The following SEMA6A variants were observed in gnomAD, a reference collection of about 807,000 sequenced individuals.
SEMA6A encodes semaphorin 6A.
In SEMA6A, 25 loss-of-function variants were observed where a neutral mutation model predicts 96.8. That is an observed-to-expected ratio of 0.26 (90% confidence interval 0.19 to 0.36). SEMA6A has a LOEUF of 0.36. SEMA6A is among the 10% of genes least tolerant of loss of function. SEMA6A has a pLI of 1.00. For synonymous variants in SEMA6A, 612 were observed against 518.0 expected, an observed-to-expected ratio of 1.18 and a Z score of -2.46; for missense variants, 1,363 against 1,323.1, an observed-to-expected ratio of 1.03 and a Z score of -0.47.
At chr5:116,500,770 C>T (rs1352772051) in intron 3 of SEMA6A, among the ~76,000 whole-genome samples, 2 of 152,052 alleles carry the variant, frequency 1.3e-5, no homozygotes, top group Non-Finnish European at 2.9e-5. Flanking sequence ...TTTGAGAGGT[C>T]GAGGCGGGTG....
intron 1 of SEMA6A, among the ~76,000 whole-genome samples, chr5:116,543,376 A>G (rs1760055977): frequency 6.6e-6 from 1 of 152,168 alleles, no homozygotes; most frequent in Admixed American, 6.5e-5. Context: ...TCCTATGTTC[A>G]TGTTCACTGC....
intron 3 of SEMA6A, 32 bp from the exon 4 acceptor site, chr5:116,497,419 A>G (rs1300888275): frequency 7.4e-7 from 1 of 1,356,302 alleles, no homozygotes; most frequent in Non-Finnish European, 1.1e-6. Flanking sequence ...TACAAGGTCA[A>G]ACACAGAGTC....
At chr5:116,544,679 TTTCTCTAAC>T in intron 1 of SEMA6A, among the ~76,000 whole-genome samples, 1 of 152,180 alleles carries the variant, frequency 6.6e-6, no homozygotes, top group East Asian at 1.9e-4. Flanking sequence ...CTAGTCAATG[TTTCTCTAAC>T]TTGGTATTTA....
intron 1 of SEMA6A, among the ~76,000 whole-genome samples, chr5:116,548,547 C>T (rs756096366): frequency 3.3e-5 from 5 of 152,122 alleles, no homozygotes; most frequent in Non-Finnish European, 5.9e-5. Flanking sequence ...CTGCATACCA[C>T]GGAAAAGTTA....
At chr5:116,508,971 C>G (rs1758272706) in intron 1 of SEMA6A, among the ~76,000 whole-genome samples, 1 of 152,194 alleles carries the variant, frequency 6.6e-6, no homozygotes, top group African/African-American at 2.4e-5. Flanking sequence ...GCAAGTGGAC[C>G]ATGTGGAACC....
chr5:116,551,775 C>G (rs1165228843), intron 1 of SEMA6A, among the ~76,000 whole-genome samples: 1 of 152,206 alleles, frequency 6.6e-6, no homozygotes, highest in Non-Finnish European at 1.5e-5. Context: ...AGGTCGTAAT[C>G]ACAACAAGCT....
intron 18 of SEMA6A, among the ~76,000 whole-genome samples, chr5:116,460,782 TC>T: frequency 1.0e-5 from 1 of 95,892 alleles, no homozygotes; most frequent in African/African-American, 3.9e-5. Flanking sequence ...ATTGTTAATC[TC>T]TTTTTTTTTT....
Position 116,478,912 on chromosome 5 carries a change from G to T in SEMA6A, c.1251-194C>A, listed in dbSNP as rs543650455. On this transcript the variant is annotated intron_variant, in intron 12 of 18. Coordinates refer to ENST00000343348, the MANE Select transcript of SEMA6A (RefSeq NM_020796.5). Reference sequence around the variant, plus strand: ...AGCACTAGTGTGGCTCCAAAGGGGAGGAAGGAGGTGTGAGAGAGTGTGTGT... The same window carrying T: ...AGCACTAGTGTGGCTCCAAAGGGGATGAAGGAGGTGTGAGAGAGTGTGTGT... 1.0e-4 allele frequency among the ~76,000 whole-genome samples: 15 copies of T among 144,592 alleles called. No homozygotes were observed. In the East Asian group the frequency reaches 1.4e-3, roughly 14 times the overall value. 94.9% of individuals were successfully genotyped at this position (144,592 alleles called of 152,430 possible).
Position 116,447,221 on chromosome 5 carries a change from A to C in SEMA6A, c.2485T>G (p.Tyr829Asp). The C allele has an allele frequency of 6.2e-7, 1 of 1,613,956 alleles. No homozygotes were observed. The highest frequency in any genetic ancestry group is 8.5e-7 in the Non-Finnish European group (1 of 1,179,888). The change falls in exon 19 of 19, where the codon TAC (tyrosine) becomes GAC (aspartate). Residue 829 changes from tyrosine (Y) to aspartate (D), a missense_variant. Transcript: ENST00000343348. ...PITQQGYQHE[Y>D]VDQPKMSEVA... ...TCGCTCATTTTGGGCTGGTCCACGT[A>C]CTCATGCTGGTAGCCCTGCTGCGTG...
At position 116,486,125 on chromosome 5, in the gene SEMA6A, G is replaced by A. The variant is rs375681251; in HGVS notation, c.962+624C>T. ...GTCAGATTCTGGTGCTGTGGTTGGG[G>A]TCTGGGTTGTGGCCCAACTTGGTGA... is the stretch of plus-strand genomic sequence containing the variant. On this transcript the variant is annotated intron_variant, in intron 10 of 18. Transcript: ENST00000343348. 2.4e-4 allele frequency among the ~76,000 whole-genome samples: 36 copies of A among 152,294 alleles called. No homozygotes were observed. The East Asian group carries it at 4.0e-3, about 17-fold the overall frequency.
At chr5:116,455,101 G>C (rs1754924460) in intron 18 of SEMA6A, among the ~76,000 whole-genome samples, 1 of 152,178 alleles carries the variant, frequency 6.6e-6, no homozygotes, top group Non-Finnish European at 1.5e-5. Context: ...GGATAGAAGG[G>C]AGAATGAGCC....
At chr5:116,527,110 C>T (rs1759261991) in intron 1 of SEMA6A, among the ~76,000 whole-genome samples, 1 of 152,080 alleles carries the variant, frequency 6.6e-6, no homozygotes, top group Non-Finnish European at 1.5e-5. Flanking sequence ...CCCCGAATCT[C>T]CTGGGTGTGA....
At chr5:116,456,672 G>A (rs26604) in intron 18 of SEMA6A, among the ~76,000 whole-genome samples, 145,388 of 152,270 alleles carry the variant, frequency 0.95, 69,486 homozygotes, top group Non-Finnish European at 0.98. Flanking sequence ...AACTGTGGCC[G>A]TCAGATAGTG....
intron 11 of SEMA6A, 124 bp downstream of exon 11, chr5:116,482,320 T>C: frequency 9.4e-7 from 1 of 1,060,242 alleles, no homozygotes. Flanking sequence ...GTTAATGAGA[T>C]GAAGGCAATC....
chr5:116,509,881 CTATGCAGT>C (rs1329882898), intron 1 of SEMA6A, among the ~76,000 whole-genome samples: 1 of 152,152 alleles, frequency 6.6e-6, no homozygotes, highest in African/African-American at 2.4e-5. Flanking sequence ...AGAGAAAGTT[CTATGCAGT>C]GGGGCAAGTG....
intron 3 of SEMA6A, chr5:116,498,666 C>A (rs1757730860): frequency 6.6e-6 from 1 of 152,098 alleles, no homozygotes; most frequent in Non-Finnish European, 1.5e-5. Flanking sequence ...CTTCAAACTT[C>A]AGTAGGCTGC....
chr5:116,491,155 C>T (rs563445988), intron 7 of SEMA6A, among the ~76,000 whole-genome samples: 45 of 152,258 alleles, frequency 3.0e-4, no homozygotes, highest in African/African-American at 1.1e-3. Context: ...TATGTGGCCT[C>T]ATTGCTCTGA....
At chr5:116,485,391 G>T (rs777704220) in intron 10 of SEMA6A, among the ~76,000 whole-genome samples, 3 of 152,176 alleles carry the variant, frequency 2.0e-5, no homozygotes, top group South Asian at 2.1e-4. Context: ...AAATCCTAGA[G>T]AGATAGGCTC....
intron 16 of SEMA6A, among the ~76,000 whole-genome samples, chr5:116,474,521 T>C (rs1756353745): frequency 6.6e-6 from 1 of 152,202 alleles, no homozygotes; most frequent in Non-Finnish European, 1.5e-5. Context: ...ATAATATTTG[T>C]AAATGAAAAA....
Sources: gnomAD v4.1 joint callset for allele counts (sites outside exome capture counted in the v4.1 genomes callset) on GRCh38, gnomAD v4.1.1 for gene constraint, MANE v1.5 for transcripts, NCBI Gene and HGNC (gene_info 2026-07-23, HGNC 2026-07-21) for gene names.